The following MAGI2 variants were observed in gnomAD, a reference collection of about 807,000 sequenced individuals.
The protein encoded by MAGI2 is membrane-associated guanylate kinase, WW and PDZ domain-containing protein 2.
A neutral mutation model predicts 133.3 loss-of-function variants in MAGI2; 35 were observed. The ratio of observed to expected loss-of-function variants is 0.26; its 90% CI spans 0.20 to 0.35. The LOEUF is 0.35. Ranked by LOEUF, MAGI2 falls within the 10% of genes least tolerant of loss-of-function variation. The pLI, the probability that MAGI2 is intolerant of heterozygous loss-of-function variation, is 1.00. For synonymous variants in MAGI2, 729 were observed against 710.6 expected (o/e 1.03, Z -0.41); for missense variants, 1,636 against 1,863.4 (o/e 0.88, Z 2.25).
At chr7:78,436,939 T>C (rs1284481813) in intron 6 of MAGI2, among the ~76,000 whole-genome samples, 1 of 152,086 alleles carries the variant, frequency 6.6e-6, no homozygotes, top group African/African-American at 2.4e-5. Flanking sequence ...CAACTATGAT[T>C]GTGGGGTGGC....
At chr7:79,102,888 G>C (rs944961215) in intron 1 of MAGI2, among the ~76,000 whole-genome samples, 3 of 152,164 alleles carry the variant, frequency 2.0e-5, no homozygotes, top group Non-Finnish European at 4.4e-5. Flanking sequence ...ATAATCAGTT[G>C]ATTTTTAAGT....
At chr7:78,450,662 T>TTC (rs1788629853) in intron 6 of MAGI2, among the ~76,000 whole-genome samples, 1 of 151,824 alleles carries the variant, frequency 6.6e-6, no homozygotes. Context: ...TACTTTTTTT[T>TTC]CTTGCACTTT....
intron 1 of MAGI2, among the ~76,000 whole-genome samples, chr7:79,346,267 T>G (rs1054088401): frequency 1.3e-5 from 2 of 152,082 alleles, no homozygotes; most frequent in Non-Finnish European, 2.9e-5. Flanking sequence ...TAGCTTCATT[T>G]CTTCCCAACT....
At chr7:78,639,857 G>A (rs974387605) in intron 2 of MAGI2, among the ~76,000 whole-genome samples, 3 of 152,194 alleles carry the variant, frequency 2.0e-5, no homozygotes, top group East Asian at 1.9e-4. Context: ...GGAAAAAAGA[G>A]AAAAGTGACT....
At chr7:78,861,560 C>T (rs1364593917) in intron 2 of MAGI2, among the ~76,000 whole-genome samples, 8 of 152,144 alleles carry the variant, frequency 5.3e-5, no homozygotes, top group African/African-American at 1.7e-4. Context: ...TGATACACAC[C>T]AATTAATATC....
At chr7:79,310,177 AAAAAAAAAAAAAAAAAAAG>A (rs1291872686) in intron 1 of MAGI2, among the ~76,000 whole-genome samples, 22 of 138,888 alleles carry the variant, frequency 1.6e-4, no homozygotes, top group Non-Finnish European at 2.9e-4. Context: ...AAAAAAAAAA[AAAAAAAAAAAAAAAAAAAG>A]AGAGAGAGAG....
chr7:78,450,674 TG>T (rs1788633080), intron 6 of MAGI2, among the ~76,000 whole-genome samples: 1 of 152,086 alleles, frequency 6.6e-6, no homozygotes, highest in Non-Finnish European at 1.5e-5. Context: ...TTGCACTTTT[TG>T]TCACTTTTGT....
chr7:79,063,001 G>T (rs1813919644), intron 1 of MAGI2, among the ~76,000 whole-genome samples: 1 of 152,058 alleles, frequency 6.6e-6, no homozygotes, highest in Non-Finnish European at 1.5e-5. Flanking sequence ...CTTTCCTTAT[G>T]CTGCTTGATA....
At chr7:78,270,188 G>A (rs1343773127) in intron 9 of MAGI2, among the ~76,000 whole-genome samples, 2 of 152,146 alleles carry the variant, frequency 1.3e-5, no homozygotes, top group African/African-American at 4.8e-5. Flanking sequence ...ATAGTTTGAA[G>A]TCTGATAGCA....
intron 1 of MAGI2, among the ~76,000 whole-genome samples, chr7:79,423,143 A>G (rs776284234): frequency 2.5e-4 from 38 of 152,212 alleles, no homozygotes; most frequent in Middle Eastern, 3.4e-3. Flanking sequence ...CCAACATAAA[A>G]AGGTAAAAAT....
chr7:78,241,279 T>C (rs887459829), intron 10 of MAGI2, among the ~76,000 whole-genome samples: 2 of 152,270 alleles, frequency 1.3e-5, no homozygotes, highest in Admixed American at 6.5e-5. Context: ...AAGATTCAGG[T>C]GTGAGTTCTG....
At chr7:78,329,498 C>T (rs1471287330) in intron 9 of MAGI2, among the ~76,000 whole-genome samples, 1 of 152,196 alleles carries the variant, frequency 6.6e-6, no homozygotes, top group Non-Finnish European at 1.5e-5. Flanking sequence ...TACAATTGAA[C>T]TTTTCACCGA....
intron 10 of MAGI2, among the ~76,000 whole-genome samples, chr7:78,236,869 C>G (rs1289516494): frequency 6.6e-6 from 1 of 151,960 alleles, no homozygotes; most frequent in Non-Finnish European, 1.5e-5. Context: ...GGAGCTCTCA[C>G]AATCATGGTG....
chr7:78,697,015 A>G (rs1234045187), intron 2 of MAGI2, among the ~76,000 whole-genome samples: 1 of 152,220 alleles, frequency 6.6e-6, no homozygotes, highest in Non-Finnish European at 1.5e-5. Flanking sequence ...TTACACAACT[A>G]CAACATGTGC....
chr7:79,012,848 G>C (rs1346723582), intron 1 of MAGI2, among the ~76,000 whole-genome samples: 1 of 152,010 alleles, frequency 6.6e-6, no homozygotes, highest in Non-Finnish European at 1.5e-5. Flanking sequence ...AACAGATCCG[G>C]TGCCTGGTAA....
At chr7:78,230,712 C>T (rs993077205) in intron 10 of MAGI2, among the ~76,000 whole-genome samples, 4 of 152,078 alleles carry the variant, frequency 2.6e-5, no homozygotes, top group African/African-American at 9.7e-5. Flanking sequence ...ATTGGAAGGC[C>T]CCTATTTCAT....
chr7:78,740,685 T>C (rs992952493), intron 2 of MAGI2, among the ~76,000 whole-genome samples: 1 of 152,284 alleles, frequency 6.6e-6, no homozygotes, highest in Non-Finnish European at 1.5e-5. Context: ...ATTAAGTAAT[T>C]CAGACCAGAC....
At chr7:78,352,425 A>G (rs755147168) in intron 7 of MAGI2, among the ~76,000 whole-genome samples, 16 of 152,210 alleles carry the variant, frequency 1.1e-4, no homozygotes, top group Non-Finnish European at 2.1e-4. Context: ...AGCATTTTTT[A>G]AAAACAGAAT....
At chr7:78,625,688 T>C (rs1231410694) in intron 3 of MAGI2, among the ~76,000 whole-genome samples, 3 of 152,194 alleles carry the variant, frequency 2.0e-5, no homozygotes, top group Non-Finnish European at 2.9e-5. Context: ...CTTACAGTCC[T>C]GCAAGCTCCA....
Sources: gnomAD v4.1 joint callset for allele counts (sites outside exome capture counted in the v4.1 genomes callset) on GRCh38, gnomAD v4.1.1 for gene constraint, MANE v1.5 for transcripts, NCBI Gene and HGNC (gene_info 2026-07-23, HGNC 2026-07-21) for gene names.